Variants in RNF212B observed in about 807,000 individuals in gnomAD.
RNF212B encodes E3 ubiquitin-protein ligase RNF212B.
In RNF212B, 52 loss-of-function variants were observed where a neutral mutation model predicts 55.5. That is an observed-to-expected ratio of 0.94 (90% CI 0.75 to 1.18). The LOEUF (loss-of-function observed/expected upper bound fraction) is 1.18, where lower values mean the gene tolerates loss of function less well. RNF212B is among the 50% of genes most tolerant of loss of function. RNF212B has a pLI of 0.00. For missense variants in RNF212B, 289 were observed against 350.4 expected, an observed-to-expected ratio of 0.82 and a Z score of 1.40; for synonymous variants, 99 against 121.4, an observed-to-expected ratio of 0.82 and a Z score of 1.21.
intron 6 of RNF212B, 134 bp downstream of exon 6, chr14:23,260,078 G>T: frequency 1.9e-6 from 1 of 533,752 alleles, no homozygotes; most frequent in Non-Finnish European, 3.3e-6. Flanking sequence ...TGTATAACAA[G>T]CACACTATAG....
In RNF212B at chr14:23,272,808, T is replaced by G; in HGVS notation, c.835-15T>G. Reference sequence around the variant, plus strand: ...TTATAAACACCCACATCTACCTTCTTGTCCTCTGCTGCAGACTCTCTACCA... The same window carrying G: ...TTATAAACACCCACATCTACCTTCTGGTCCTCTGCTGCAGACTCTCTACCA... On this transcript the variant is annotated splice_polypyrimidine_tract_variant and intron_variant, in intron 14 of 14. Transcript: ENST00000430154. The G allele has an allele frequency of 4.5e-6, 7 of 1,539,936 alleles. No individual in the cohort carries two copies. The highest frequency in any genetic ancestry group is 1.2e-5 in the South Asian group (1 of 83,844).
rs1444627939 is a variant in RNF212B, at chr14:23,269,958, T to C, written c.770T>C (p.Phe257Ser). 1.2e-5 allele frequency: 18 copies of C among 1,517,188 alleles called. No individual in the cohort carries two copies. In the East Asian group the frequency reaches 2.0e-4, roughly 17 times the overall value. The allele number at this position is 1,517,188 out of a possible 1,614,324, so 94.0% of individuals were successfully genotyped here. The part of the protein sequence containing the change: ...GHTRVLTPNN[F>S]AQRESTTTLE... ...ACAAGAGTCCTCACCCCCAACAATT[T>C]TGGTAAGTTAAATAACATTTCCAAA... is the stretch of plus-strand genomic sequence containing the variant. The change falls in exon 13 of 15, where the codon TTT (phenylalanine) becomes TCT (serine). Residue 257 changes from phenylalanine to serine, a missense_variant and splice_region_variant. Physicochemically the swap from Phe to Ser is radical, Grantham distance 155 (BLOSUM62 -2). Transcript: ENST00000430154.
chr14:23,185,614 GGTAAGCTT>G (rs1304753327), intron 1 of RNF212B: 2 of 18,864 alleles, frequency 1.1e-4, no homozygotes, highest in Non-Finnish European at 8.6e-4. Flanking sequence ...ATAACGATAT[GGTAAGCTT>G]TAGCCCTCTC....
intron 1 of RNF212B, among the ~76,000 whole-genome samples, chr14:23,190,982 T>G (rs61682325): frequency 6.6e-6 from 1 of 152,158 alleles, no homozygotes; most frequent in Non-Finnish European, 1.5e-5. Flanking sequence ...CTTGGGGGTG[T>G]CCTCCCTTTC....
At chr14:23,215,922 A>G (rs1881019236) in intron 2 of RNF212B, among the ~76,000 whole-genome samples, 1 of 152,230 alleles carries the variant, frequency 6.6e-6, no homozygotes, top group Non-Finnish European at 1.5e-5. Flanking sequence ...GAGTTATTTT[A>G]TGCATGTATA....
At chr14:23,221,212 C>A (rs1933476766) in intron 2 of RNF212B, among the ~76,000 whole-genome samples, 1 of 149,684 alleles carries the variant, frequency 6.7e-6, no homozygotes, top group African/African-American at 2.5e-5. Context: ...CATGGTGAAA[C>A]CCTGTCTCTA....
At chr14:23,272,766 G>T in intron 14 of RNF212B, 57 bp from the exon 15 acceptor site, 1 of 1,086,178 alleles carries the variant, frequency 9.2e-7, no homozygotes. Flanking sequence ...AGAGAGACTT[G>T]CTTGCCCTTT....
At position 23,208,757 on chromosome 14, in the gene RNF212B, G is replaced by GGTTTTT. The variant is rs1182142805; in HGVS notation, c.-2+15356_-2+15357insGTTTTT. Among the ~76,000 whole-genome samples the GGTTTTT allele has an allele frequency of 6.1e-5, 6 of 98,112 alleles. 1 individual carries two copies. Among genetic ancestry groups the GGTTTTT allele is most frequent in the Non-Finnish European group, 7.2e-5 (4 of 55,746 alleles). The allele number at this position is 98,112 out of a possible 152,430, so 64.4% of individuals were successfully genotyped here. On this transcript the variant is annotated intron_variant, in intron 2 of 15. Coordinates refer to the RNF212B transcript ENST00000399910. Reference sequence around the variant, plus strand: ...GCAGTCCCAAGGGCTGCTGGTTGCCGTTTTTTTTTTTTTTTTTTTGAGACG... The same window carrying GGTTTTT: ...GCAGTCCCAAGGGCTGCTGGTTGCCGGTTTTTTTTTTTTTTTTTTTTTTTTGAGACG...
rs372040525 is a variant in RNF212B, at chr14:23,199,907, A to G, written c.-2+6506A>G. ...TTTCAGTGACTCCTAATTAGGAAAC[A>G]TGGGAAAAAAAGAAGGGAAAAAAAA... On this transcript the variant is annotated intron_variant, in intron 2 of 15. Coordinates refer to the RNF212B transcript ENST00000399910. Among the ~76,000 whole-genome samples, 70 of 152,256 alleles carry G rather than the reference A, an allele frequency of 4.6e-4. 1 individual carries two copies. The highest frequency in any genetic ancestry group is 1.5e-3 in the African/African-American group (63 of 41,556).
At chr14:23,190,509 C>A (rs1878021143) in intron 1 of RNF212B, among the ~76,000 whole-genome samples, 1 of 152,176 alleles carries the variant, frequency 6.6e-6, no homozygotes, top group Non-Finnish European at 1.5e-5. Context: ...GGTTTGTCAG[C>A]CAATCCCTGT....
intron 9 of RNF212B, 81 bp from the exon 10 acceptor site, chr14:23,264,093 A>G: frequency 1.6e-6 from 2 of 1,230,442 alleles, no homozygotes; most frequent in Non-Finnish European, 1.1e-6. Flanking sequence ...GTCTGAAAAA[A>G]ACCAAAACAA....
chr14:23,253,799 G>A (rs1368689965), intron 4 of RNF212B, among the ~76,000 whole-genome samples: 2 of 152,112 alleles, frequency 1.3e-5, no homozygotes, highest in Non-Finnish European at 2.9e-5. Flanking sequence ...TAGATATTAT[G>A]GAATGAGGGA....
At chr14:23,220,501 C>T (rs1290455404) in intron 2 of RNF212B, among the ~76,000 whole-genome samples, 1 of 152,090 alleles carries the variant, frequency 6.6e-6, no homozygotes, top group Non-Finnish European at 1.5e-5. Context: ...CACTGCACTC[C>T]AGCCTGGGCA....
chr14:23,247,037 G>A (rs1430180787), intron 4 of RNF212B, among the ~76,000 whole-genome samples: 1 of 152,040 alleles, frequency 6.6e-6, no homozygotes, highest in East Asian at 1.9e-4. Context: ...CTACTCGGGA[G>A]GCTGAGGCAG....
At chr14:23,189,405 G>C (rs764605355) in intron 1 of RNF212B, among the ~76,000 whole-genome samples, 1 of 152,074 alleles carries the variant, frequency 6.6e-6, no homozygotes, top group Non-Finnish European at 1.5e-5. Context: ...AAAGTCTCAA[G>C]ACTTTGCTCT....
chr14:23,220,457 A>G (rs982297026), intron 2 of RNF212B, among the ~76,000 whole-genome samples: 46 of 150,512 alleles, frequency 3.1e-4, no homozygotes, highest in African/African-American at 1.1e-3. Context: ...ATTGGAACCC[A>G]GGAGATGGAG....
Position 23,264,651 on chromosome 14 carries a change from C to T in RNF212B, c.614C>T (p.Thr205Ile). The part of the protein sequence containing the change: ...QGGRGLQGRR[T>I]PRDSYNETPS... ...GGCAGAGGTCTGCAGGGAAGGAGAA[C>T]TCCCAGAGACTCTTATAATGGTGAG... is the stretch of plus-strand genomic sequence containing the variant. Residue 205 changes from threonine (T) to isoleucine (I), a missense_variant, in exon 11 of 15, where the codon ACT becomes ATT. By Grantham distance (89) the Thr-to-Ile change is moderately conservative. Coordinates refer to ENST00000430154, the MANE Select transcript of RNF212B (RefSeq NM_001282322.3). 7.5e-7 allele frequency: 1 copy of T among 1,327,370 alleles called. No homozygotes were observed. 82.2% of individuals were successfully genotyped at this position (1,327,370 alleles called of 1,614,324 possible). A position where few individuals can be genotyped will look rare whatever the true frequency, so the allele number is the denominator to read the frequency against.
At chr14:23,205,485 CTAGAT>C (rs1879748162) in intron 2 of RNF212B, among the ~76,000 whole-genome samples, 1 of 151,888 alleles carries the variant, frequency 6.6e-6, no homozygotes, top group Non-Finnish European at 1.5e-5. Context: ...AATTCTTTAC[CTAGAT>C]TATTTACGAA....
At chr14:23,272,729 G>A (rs763383617) in intron 14 of RNF212B, 94 bp from the exon 15 acceptor site, 29 of 790,022 alleles carry the variant, frequency 3.7e-5, no homozygotes, top group Non-Finnish European at 5.6e-5. Flanking sequence ...AGTGGTGTCT[G>A]TCTCGATAAG....
Sources: allele counts gnomAD v4.1 joint callset (sites outside exome capture counted in the v4.1 genomes callset), GRCh38; gene constraint gnomAD v4.1.1; transcripts MANE v1.5; gene names NCBI Gene and HGNC (gene_info 2026-07-23, HGNC 2026-07-21).